Variants in PANX1 observed in about 807,000 individuals in gnomAD.
PANX1 encodes pannexin 1, also known as pannexin-1.
Under a neutral mutation model 38.7 loss-of-function variants are expected in PANX1, and 30 were observed. The observed-to-expected ratio is 0.78, with a 90% CI of 0.58 to 1.05. The LOEUF (loss-of-function observed/expected upper bound fraction) is 1.05, where lower values mean the gene tolerates loss of function less well. PANX1 is among the 50% of genes least tolerant of loss of function. The pLI is 0.00. For synonymous variants in PANX1, 230 were observed against 212.2 expected, an observed-to-expected ratio of 1.08 and a Z score of -0.73; for missense variants, 551 against 517.2, an observed-to-expected ratio of 1.07 and a Z score of -0.63.
chr11:94,135,251 A>G (rs1430579710), intron 1 of PANX1, among the ~76,000 whole-genome samples: 1 of 152,216 alleles, frequency 6.6e-6, no homozygotes, highest in Non-Finnish European at 1.5e-5. Context: ...GTAGAGAAGG[A>G]CTTAGTCTTT....
In PANX1 at chr11:94,181,519, T is replaced by C. The variant is rs1947306709; in HGVS notation, c.*650T>C. On this transcript the variant is annotated 3_prime_UTR_variant, in exon 5 of 5. Coordinates refer to ENST00000227638, the MANE Select transcript of PANX1 (RefSeq NM_015368.4). ...AGGGCAGCAGGCCCAAGTGCTGCTC[T>C]GACTGAAAACTGAGTTAACAAGATG... 1 of 152,244 alleles carries C rather than the reference T, an allele frequency of 6.6e-6. No individual in the cohort carries two copies. The highest frequency in any genetic ancestry group is 1.5e-5 in the Non-Finnish European group (1 of 68,042). The allele number at this position is 152,244 out of a possible 1,614,324, so 9.4% of individuals were successfully genotyped here.
rs116783743 is a variant in PANX1 at position 94,142,335 on chromosome 11, G to T, written c.182-11156G>T. Among the ~76,000 whole-genome samples the T allele has an allele frequency of 2.7e-3, 414 of 152,254 alleles. 1 individual carries two copies. The highest frequency in any genetic ancestry group is 9.7e-3 in the African/African-American group (405 of 41,544). Reference sequence around the variant, plus strand: ...GTGTATGGATTATAGTACCACTGGGGACTTGAAAACACAAAACACAGCTCC... The same window carrying T: ...GTGTATGGATTATAGTACCACTGGGTACTTGAAAACACAAAACACAGCTCC... On this transcript the variant is annotated intron_variant, in intron 1 of 4. Coordinates refer to ENST00000227638, the MANE Select transcript of PANX1 (RefSeq NM_015368.4).
In PANX1 at chr11:94,129,481, G is replaced by A. The variant is rs781195700; in HGVS notation, c.169G>A (p.Glu57Lys). 4 of 1,610,608 alleles carry A rather than the reference G, an allele frequency of 2.5e-6. No individual in the cohort carries two copies. Among genetic ancestry groups the A allele is most frequent in the Non-Finnish European group, 3.4e-6 (4 of 1,177,886 alleles). The change falls in exon 1 of 5, where the codon GAG becomes AAG. Residue 57 changes from glutamate to lysine, a missense_variant. By Grantham distance (56) the Glu-to-Lys change is moderately conservative (BLOSUM62 1). Transcript: ENST00000227638. ...LLLISLAFAQ[E>K]ISIGTQISCF... ...GCTCATCTCGCTGGCCTTCGCGCAGGAGATCTCGATTGGTAAGCCTCGCCC... is the reference window on the plus strand; with the variant it reads ...GCTCATCTCGCTGGCCTTCGCGCAGAAGATCTCGATTGGTAAGCCTCGCCC...
chr11:94,130,865 A>T (rs1946622115), intron 1 of PANX1, among the ~76,000 whole-genome samples: 1 of 152,204 alleles, frequency 6.6e-6, no homozygotes, highest in Non-Finnish European at 1.5e-5. Context: ...AATGACTATG[A>T]GTGTGATTTT....
At position 94,180,252 on chromosome 11, in the gene PANX1, T is replaced by C. The variant is rs202124256; in HGVS notation, c.1196T>C (p.Leu399Pro). 105 of 1,598,846 alleles carry C rather than the reference T, an allele frequency of 6.6e-5. 1 individual carries two copies. The Middle Eastern group carries it at 1.2e-3, about 18-fold the overall frequency. The change falls in exon 4 of 5, where the codon CTC (leucine) becomes CCC (proline). Residue 399 changes from leucine (L) to proline (P), a missense_variant. Leu to Pro is a moderately conservative substitution (Grantham distance 98, BLOSUM62 -3). Coordinates refer to ENST00000227638, the MANE Select transcript of PANX1 (RefSeq NM_015368.4). ...GAGCAGGGGAACCAGACGGCAGAGC[T>C]CCAAGGTAGGGTTTGCTTTTGGCAG... ...REEQGNQTAE[L>P]QGMNIDSETK... is the part of the protein sequence containing the mutation.
chr11:94,171,566 G>A (rs923854486), intron 2 of PANX1, among the ~76,000 whole-genome samples: 32 of 151,556 alleles, frequency 2.1e-4, no homozygotes, highest in Non-Finnish European at 4.4e-4. Context: ...GGTTCTCCAG[G>A]AGCATCCTGA....
At chr11:94,153,995 T>C (rs185520091) in intron 2 of PANX1, among the ~76,000 whole-genome samples, 7 of 152,346 alleles carry the variant, frequency 4.6e-5, no homozygotes, top group Admixed American at 2.0e-4. Flanking sequence ...CTAGGATTCA[T>C]GCATAGCTTC....
chr11:94,150,319 G>A (rs1038729017), intron 1 of PANX1, among the ~76,000 whole-genome samples: 3 of 152,184 alleles, frequency 2.0e-5, no homozygotes, highest in African/African-American at 7.2e-5. Flanking sequence ...AGCCCCAGGA[G>A]TGGCAAGATA....
At chr11:94,161,731 A>G (rs1947039378) in intron 2 of PANX1, among the ~76,000 whole-genome samples, 1 of 152,096 alleles carries the variant, frequency 6.6e-6, no homozygotes, top group Non-Finnish European at 1.5e-5. Context: ...CGTCAAAGTC[A>G]TTCTCCGTCC....
At chr11:94,162,535 T>A (rs1331820425) in intron 2 of PANX1, among the ~76,000 whole-genome samples, 1 of 152,134 alleles carries the variant, frequency 6.6e-6, no homozygotes, top group African/African-American at 2.4e-5. Context: ...GGATATAATC[T>A]TCTGGTGTGC....
intron 1 of PANX1, among the ~76,000 whole-genome samples, chr11:94,131,075 G>C (rs1438688255): frequency 3.3e-5 from 5 of 152,162 alleles, no homozygotes; most frequent in African/African-American, 1.2e-4. Flanking sequence ...CTCTCCCTTT[G>C]GTCAATTCCT....
intron 2 of PANX1, among the ~76,000 whole-genome samples, chr11:94,166,778 C>A (rs1947105028): frequency 6.6e-6 from 1 of 152,158 alleles, no homozygotes; most frequent in Non-Finnish European, 1.5e-5. Context: ...ACTCTTTCCT[C>A]TCCTTTGCCC....
intron 1 of PANX1, among the ~76,000 whole-genome samples, chr11:94,151,896 G>A (rs1472850940): frequency 3.9e-5 from 6 of 152,168 alleles, no homozygotes; most frequent in Non-Finnish European, 8.8e-5. Flanking sequence ...TGATGGCTGT[G>A]GGTGCACAGG....
intron 1 of PANX1, among the ~76,000 whole-genome samples, chr11:94,130,572 C>G (rs1194190288): frequency 2.3e-5 from 1 of 43,706 alleles, no homozygotes; most frequent in African/African-American, 1.1e-4. Context: ...CATTTAGGGT[C>G]TGGGAAGAAG....
intron 2 of PANX1, among the ~76,000 whole-genome samples, chr11:94,173,270 T>G (rs769083564): frequency 3.3e-5 from 5 of 151,828 alleles, no homozygotes; most frequent in Admixed American, 6.5e-5. Context: ...GTCTCAGGCC[T>G]GTTCGTGGTC....
intron 2 of PANX1, among the ~76,000 whole-genome samples, chr11:94,173,532 G>C (rs115943817): frequency 6.6e-6 from 1 of 151,412 alleles, no homozygotes; most frequent in Non-Finnish European, 1.5e-5. Context: ...TCACCTGAAG[G>C]TTCCACCCCG....
intron 2 of PANX1, among the ~76,000 whole-genome samples, chr11:94,158,017 T>C (rs976137176): frequency 2.6e-5 from 4 of 152,238 alleles, no homozygotes; most frequent in African/African-American, 9.6e-5. Context: ...TCCCCATTTC[T>C]TGTTTTTGTC....
chr11:94,160,554 C>CT (rs944562719), intron 2 of PANX1, among the ~76,000 whole-genome samples: 17 of 152,022 alleles, frequency 1.1e-4, no homozygotes, highest in African/African-American at 3.9e-4. Flanking sequence ...CAACCCCTGC[C>CT]TTTTTTTGTT....
intron 2 of PANX1, among the ~76,000 whole-genome samples, chr11:94,171,353 A>T (rs1947164543): frequency 6.6e-6 from 1 of 151,732 alleles, no homozygotes; most frequent in South Asian, 2.1e-4. Context: ...GAAGCTTGAC[A>T]TGAAAATATC....
Sources: allele counts gnomAD v4.1 joint callset (sites outside exome capture counted in the v4.1 genomes callset), GRCh38; gene constraint gnomAD v4.1.1; transcripts MANE v1.5; gene names NCBI Gene and HGNC (gene_info 2026-07-23, HGNC 2026-07-21).